The following ATP8B4 variants were observed in gnomAD, a reference collection of about 807,000 sequenced individuals.
The protein encoded by ATP8B4 is ATPase phospholipid transporting 8B4 (putative).
In ATP8B4, 133 loss-of-function variants were observed where a neutral mutation model predicts 145.6. The ratio of observed to expected loss-of-function variants is 0.91; its 90% CI spans 0.79 to 1.05. The LOEUF (loss-of-function observed/expected upper bound fraction) is 1.05, where lower values mean the gene tolerates loss of function less well. ATP8B4 is among the 50% of genes least tolerant of loss of function. The pLI, the probability that ATP8B4 is intolerant of heterozygous loss-of-function variation, is 0.00. For synonymous variants in ATP8B4, 507 were observed against 492.9 expected, an observed-to-expected ratio of 1.03 and a Z score of -0.38; for missense variants, 1,458 against 1,425.2, an observed-to-expected ratio of 1.02 and a Z score of -0.37.
upstream of ATP8B4, among the ~76,000 whole-genome samples, chr15:50,120,763 G>A (rs2057261188): frequency 6.6e-6 from 1 of 152,092 alleles, no homozygotes; most frequent in Non-Finnish European, 1.5e-5. Context: ...ATAAGTTAAG[G>A]TATATTGATA....
intron 14 of ATP8B4, among the ~76,000 whole-genome samples, chr15:49,953,583 T>C (rs940108861): frequency 2.0e-5 from 3 of 152,192 alleles, no homozygotes; most frequent in African/African-American, 7.2e-5. Flanking sequence ...AAGTGCATCC[T>C]GGAGCTACAG....
At chr15:50,048,996 G>A (rs2051955220) in intron 3 of ATP8B4, among the ~76,000 whole-genome samples, 1 of 152,150 alleles carries the variant, frequency 6.6e-6, no homozygotes, top group African/African-American at 2.4e-5. Context: ...AGGCAAAGGA[G>A]AAAGGTGGAG....
chr15:49,873,038 G>GT (rs1323215358), intron 25 of ATP8B4, among the ~76,000 whole-genome samples: 3 of 152,136 alleles, frequency 2.0e-5, no homozygotes, highest in Non-Finnish European at 4.4e-5. Context: ...GAAATTAAAA[G>GT]TTTTTTAAAG....
chr15:50,063,264 G>A (rs911491868), intron 3 of ATP8B4, among the ~76,000 whole-genome samples: 6 of 151,944 alleles, frequency 3.9e-5, no homozygotes, highest in African/African-American at 1.2e-4. Context: ...GTGATAAGAC[G>A]CATGGCCATG....
At chr15:50,154,253 C>T (rs946666934) in intron 1 of ATP8B4, among the ~76,000 whole-genome samples, 1 of 151,996 alleles carries the variant, frequency 6.6e-6, no homozygotes, top group African/African-American at 2.4e-5. Flanking sequence ...ATTATCTTTT[C>T]TTTTTAACAT....
At chr15:50,164,185 T>C (rs2140849445) in intron 1 of ATP8B4, among the ~76,000 whole-genome samples, 1 of 152,168 alleles carries the variant, frequency 6.6e-6, no homozygotes, top group South Asian at 2.1e-4. Flanking sequence ...TCACATTTTT[T>C]CCCTCAAACA....
In ATP8B4 at chr15:49,860,489, G is replaced by T. The variant is rs2031451129; in HGVS notation, c.3298-14C>A. 1 of 1,586,952 alleles carries T rather than the reference G, an allele frequency of 6.3e-7. No individual in the cohort carries two copies. Among genetic ancestry groups the T allele is most frequent in the Non-Finnish European group, 8.6e-7 (1 of 1,169,106 alleles). On this transcript the variant is annotated splice_polypyrimidine_tract_variant and intron_variant, in intron 27 of 27. Transcript: ENST00000284509. ...CCACCGGCGGATCTGGAGAGAAACA[G>T]ACCCAAAGTGAGATGATGCATCCAA...
intron 9 of ATP8B4, among the ~76,000 whole-genome samples, chr15:49,992,956 A>G: frequency 6.6e-6 from 1 of 152,126 alleles, no homozygotes; most frequent in Admixed American, 6.6e-5. Context: ...TCTAGTTTTG[A>G]TTCCCATGAG....
At chr15:49,992,803 A>G (rs955213059) in intron 9 of ATP8B4, among the ~76,000 whole-genome samples, 1 of 152,170 alleles carries the variant, frequency 6.6e-6, no homozygotes, top group Non-Finnish European at 1.5e-5. Context: ...AAATTAAAAC[A>G]TGTACTTAGC....
intron 23 of ATP8B4, among the ~76,000 whole-genome samples, chr15:49,892,976 A>C (rs900430663): frequency 1.3e-5 from 2 of 152,212 alleles, no homozygotes; most frequent in African/African-American, 4.8e-5. Flanking sequence ...ATTCACTAGA[A>C]TCTGCAATCT....
At chr15:49,884,706 T>G (rs2153414033) in intron 23 of ATP8B4, among the ~76,000 whole-genome samples, 1 of 152,262 alleles carries the variant, frequency 6.6e-6, no homozygotes, top group East Asian at 1.9e-4. Context: ...ATATGCTATT[T>G]TTTGGCATTT....
At chr15:50,030,476 G>A (rs184944502) in intron 6 of ATP8B4, among the ~76,000 whole-genome samples, 134 of 152,262 alleles carry the variant, frequency 8.8e-4, no homozygotes, top group African/African-American at 3.2e-3. Flanking sequence ...ACCAAGACAG[G>A]GGAGACTGGA....
At chr15:50,085,824 A>G (rs1211090824) in intron 2 of ATP8B4, among the ~76,000 whole-genome samples, 1 of 133,526 alleles carries the variant, frequency 7.5e-6, no homozygotes, top group Non-Finnish European at 1.5e-5. Flanking sequence ...TATTATATAT[A>G]ATATATATGA....
chr15:50,009,508 A>T lies in ATP8B4; in HGVS notation c.435+1337T>A, dbSNP rs780074789. 8.9e-6 allele frequency: 3 copies of T among 337,872 alleles called. No individual in the cohort carries two copies. The Admixed American group carries it at 1.3e-4, about 14-fold the overall frequency. The allele number at this position is 337,872 out of a possible 1,614,324, so 20.9% of individuals were successfully genotyped here. On this transcript the variant is annotated intron_variant, in intron 7 of 27. Transcript: ENST00000284509. ...TCTTATTTGACACATGGACAAACCAAAGACAAAGAAGATAAAGTCTTTACT... is the reference window on the plus strand; with the variant it reads ...TCTTATTTGACACATGGACAAACCATAGACAAAGAAGATAAAGTCTTTACT...
rs373605267 is a variant in ATP8B4, at chr15:50,087,787, A to T, written c.29-13602T>A. Among the ~76,000 whole-genome samples, 26 of 152,272 alleles carry T rather than the reference A, an allele frequency of 1.7e-4. No homozygotes were observed. The East Asian group carries it at 4.8e-3, about 28-fold the overall frequency. On this transcript the variant is annotated intron_variant, in intron 2 of 27. Coordinates refer to ENST00000284509, the MANE Select transcript of ATP8B4 (RefSeq NM_024837.4). ...CTAAGCTACCATAATTCTTAAGTTA[A>T]TGTTAATTAACTATACCAAAGGAAA...
In ATP8B4 at chr15:50,170,500, C is replaced by CCG. The variant is rs1555498981; in HGVS notation, c.-43+11760_-43+11761insCG. Among the ~76,000 whole-genome samples the CCG allele has an allele frequency of 1.1e-3, 159 of 147,064 alleles. 2 individuals carry two copies. The highest frequency in any genetic ancestry group is 3.9e-3 in the African/African-American group (153 of 39,106). On this transcript the variant is annotated intron_variant, in intron 1 of 3. Transcript: ENST00000558829. ...AGAGAATTCACCATTACCAAACCCC[C>CCG]CCCACCCTCCACAAGAACTGCTAAA...
At chr15:50,091,870 G>C (rs1208839583) in intron 2 of ATP8B4, among the ~76,000 whole-genome samples, 1 of 151,948 alleles carries the variant, frequency 6.6e-6, no homozygotes, top group Non-Finnish European at 1.5e-5. Flanking sequence ...CTTGTGTCAG[G>C]ACCAACCCAC....
chr15:50,044,386 G>A (rs981669410), intron 5 of ATP8B4, among the ~76,000 whole-genome samples: 1 of 152,242 alleles, frequency 6.6e-6, no homozygotes, highest in African/African-American at 2.4e-5. Flanking sequence ...AAAGGAGAAA[G>A]TGAATCTAGT....
At chr15:50,072,267 G>T (rs1033127377) in intron 3 of ATP8B4, among the ~76,000 whole-genome samples, 1 of 152,028 alleles carries the variant, frequency 6.6e-6, no homozygotes, top group Non-Finnish European at 1.5e-5. Flanking sequence ...TTTGAATTGA[G>T]ACTTTCTTTC....
Sources: allele counts gnomAD v4.1 joint callset (sites outside exome capture counted in the v4.1 genomes callset), GRCh38; gene constraint gnomAD v4.1.1; transcripts MANE v1.5; gene names NCBI Gene and HGNC (gene_info 2026-07-23, HGNC 2026-07-21).